KRAS: variants seen among roughly 807,000 people sequenced by gnomAD.
KRAS encodes GTPase KRas.
A neutral mutation model predicts 21.0 loss-of-function variants in KRAS; 1 was observed. The observed-to-expected ratio is 0.05, with a 90% CI of 0.02 to 0.23. The LOEUF (loss-of-function observed/expected upper bound fraction) is 0.23, where lower values mean the gene tolerates loss of function less well. Ranked by LOEUF, KRAS falls within the 10% of genes least tolerant of loss-of-function variation. KRAS has a pLI of 1.00. For synonymous variants in KRAS, 67 were observed against 72.5 expected, an observed-to-expected ratio of 0.92 and a Z score of 0.39; for missense variants, 107 against 221.8, an observed-to-expected ratio of 0.48 and a Z score of 3.29.
At chr12:25,231,277 T>C (rs1454051696) in intron 2 of KRAS, among the ~76,000 whole-genome samples, 1 of 151,848 alleles carries the variant, frequency 6.6e-6, no homozygotes, top group Admixed American at 6.6e-5. Context: ...AATTTTTGTA[T>C]TTTTAGTACA....
intron 4 of KRAS, chr12:25,215,660 T>C (rs376992543): frequency 1.4e-4 from 44 of 322,916 alleles, no homozygotes; most frequent in East Asian, 7.2e-4. Context: ...GAGCTTGAGA[T>C]TTTTTTTTTT....
rs111626075 is a variant in KRAS, at chr12:25,243,535, G to C, written c.111+1739C>G. ...TGCATTTTAACAATCATTAGCAAAA[G>C]GTTTCCTAACCCACTTTATCACATT... On this transcript the variant is annotated intron_variant, in intron 2 of 4. Transcript: ENST00000311936. Among the ~76,000 whole-genome samples the C allele has an allele frequency of 2.0e-5, 3 of 152,052 alleles. No homozygotes were observed. The East Asian group carries it at 5.8e-4, about 29-fold the overall frequency.
At chr12:25,233,310 G>C (rs1277529206) in intron 2 of KRAS, among the ~76,000 whole-genome samples, 1 of 152,104 alleles carries the variant, frequency 6.6e-6, no homozygotes, top group Non-Finnish European at 1.5e-5. Flanking sequence ...CAACACCTTG[G>C]GAGGCCGAGA....
rs1951230867 is a variant in KRAS at position 25,214,342 on chromosome 12, T to C, written c.451-4431A>G. Among the ~76,000 whole-genome samples, 3 of 151,602 alleles carry C rather than the reference T, an allele frequency of 2.0e-5. No homozygotes were observed. The South Asian group carries it at 6.2e-4, about 32-fold the overall frequency. ...TGGTGGGAAGGTAGTAAGGACTATC[T>C]GCAACACATGTGGAACATGAGATTT... On this transcript the variant is annotated intron_variant, in intron 4 of 4. Transcript: ENST00000311936.
At chr12:25,215,600 T>A (rs2141489391) in intron 4 of KRAS, 1 of 1,532,058 alleles carries the variant, frequency 6.5e-7, no homozygotes, top group Non-Finnish European at 9.0e-7. Context: ...TCTGTTGCAT[T>A]GGTAAGAGTA....
At chr12:25,249,809 G>A (rs866298049) in intron 1 of KRAS, among the ~76,000 whole-genome samples, 2 of 152,122 alleles carry the variant, frequency 1.3e-5, no homozygotes, top group East Asian at 1.9e-4. Context: ...GAAAGGACAA[G>A]AACAGGTAAA....
At chr12:25,225,226 G>A (rs1348324808) in intron 4 of KRAS, 1 of 148,572 alleles carries the variant, frequency 6.7e-6, no homozygotes, top group East Asian at 1.9e-4. Flanking sequence ...CTAGAAACAT[G>A]ACATAATGGT....
intron 4 of KRAS, among the ~76,000 whole-genome samples, chr12:25,220,607 G>A (rs1041792845): frequency 6.6e-6 from 1 of 151,890 alleles, no homozygotes; most frequent in Non-Finnish European, 1.5e-5. Flanking sequence ...TGCACCCATA[G>A]TCCCAGCTAC....
chr12:25,232,569 C>T (rs903602521), intron 2 of KRAS, among the ~76,000 whole-genome samples: 5 of 152,082 alleles, frequency 3.3e-5, no homozygotes, highest in African/African-American at 1.2e-4. Context: ...GAAGGTGTTA[C>T]GTTTTTAATT....
chr12:25,246,674 T>G (rs753623860), intron 1 of KRAS, among the ~76,000 whole-genome samples: 2 of 152,056 alleles, frequency 1.3e-5, no homozygotes, highest in Non-Finnish European at 2.9e-5. Flanking sequence ...CCTAGCACTT[T>G]GGGAGGCCGA....
chr12:25,214,777 C>T (rs1951235716), intron 4 of KRAS, among the ~76,000 whole-genome samples: 1 of 152,014 alleles, frequency 6.6e-6, no homozygotes, highest in South Asian at 2.1e-4. Flanking sequence ...TCTAACAGTC[C>T]AACAAGAAAT....
At chr12:25,228,297 T>C (rs1020092663) in intron 2 of KRAS, among the ~76,000 whole-genome samples, 3 of 146,308 alleles carry the variant, frequency 2.1e-5, no homozygotes, top group Admixed American at 7.2e-5. Flanking sequence ...ATTACAAGCA[T>C]GAGCCACTGA....
intron 1 of KRAS, among the ~76,000 whole-genome samples, chr12:25,250,288 G>A (rs1268889469): frequency 6.6e-6 from 1 of 152,148 alleles, no homozygotes; most frequent in East Asian, 1.9e-4. Flanking sequence ...CAGCAGGGAA[G>A]GCTGGACCGA....
At chr12:25,248,596 GGTT>G (rs2135811311) in intron 1 of KRAS, among the ~76,000 whole-genome samples, 1 of 144,388 alleles carries the variant, frequency 6.9e-6, no homozygotes, top group South Asian at 2.2e-4. Flanking sequence ...TTTATGCGGT[GGTT>G]GTTTCCAGAA....
At chr12:25,229,623 GT>G (rs34935383) in intron 2 of KRAS, among the ~76,000 whole-genome samples, 12,044 of 152,094 alleles carry the variant, frequency 0.079, 1,423 homozygotes, top group African/African-American at 0.26. Context: ...TGCCAAAACA[GT>G]CCTCAAAAAA....
At chr12:25,228,789 G>T (rs950665944) in intron 2 of KRAS, among the ~76,000 whole-genome samples, 5 of 152,142 alleles carry the variant, frequency 3.3e-5, no homozygotes, top group Admixed American at 6.5e-5. Context: ...GTCTAGGCGC[G>T]GTGGCTCACA....
chr12:25,220,260 A>T (rs61762424), intron 4 of KRAS, among the ~76,000 whole-genome samples: 9,401 of 152,294 alleles, frequency 0.062, 390 homozygotes, highest in Non-Finnish European at 0.093. Context: ...GTCCTTATAC[A>T]CTAGGAACAT....
chr12:25,228,165 T>C lies in KRAS; in HGVS notation c.112-753A>G, dbSNP rs1412767478. On this transcript the variant is annotated intron_variant, in intron 2 of 4. Transcript: ENST00000311936. ...CACTGGAGCATTTGATTTTGGATTT[T>C]TTTTTCTTTCATCTTTTTTTTTTTT... 6.0e-5 allele frequency among the ~76,000 whole-genome samples: 9 copies of C among 150,850 alleles called. No individual in the cohort carries two copies. In the East Asian group the frequency reaches 1.8e-3, roughly 30 times the overall value.
At chr12:25,216,155 T>G (rs1473403423) in intron 4 of KRAS, among the ~76,000 whole-genome samples, 1 of 152,232 alleles carries the variant, frequency 6.6e-6, no homozygotes, top group African/African-American at 2.4e-5. Context: ...GACTGGGTCT[T>G]CTGTACATGT....
Sources: allele counts gnomAD v4.1 joint callset (sites outside exome capture counted in the v4.1 genomes callset), GRCh38; gene constraint gnomAD v4.1.1; transcripts MANE v1.5; gene names NCBI Gene and HGNC (gene_info 2026-07-23, HGNC 2026-07-21).